PROX1: variants seen among roughly 807,000 people sequenced by gnomAD.
PROX1 encodes prospero homeobox protein 1.
Under a neutral mutation model 58.8 loss-of-function variants are expected in PROX1, and 7 were observed. That is an observed-to-expected ratio of 0.12 (90% confidence interval 0.07 to 0.22). The LOEUF (loss-of-function observed/expected upper bound fraction) is 0.22, where lower values mean the gene tolerates loss of function less well. Among genes scored for constraint, PROX1 ranks in the 10% least tolerant of loss-of-function variants. PROX1 has a pLI of 1.00. For missense variants in PROX1, 675 were observed against 927.8 expected (o/e 0.73, Z 3.54); for synonymous variants, 350 against 358.3 (o/e 0.98, Z 0.26).
intron 1 of PROX1, among the ~76,000 whole-genome samples, chr1:213,993,278 G>C (rs114549532): frequency 0.013 from 1,977 of 152,230 alleles, 41 homozygotes; most frequent in African/African-American, 0.044. Flanking sequence ...TGCTGATTTG[G>C]ACATCCACCA....
At chr1:214,033,701 C>T (rs921301920) in intron 4 of PROX1, among the ~76,000 whole-genome samples, 7 of 152,214 alleles carry the variant, frequency 4.6e-5, no homozygotes, top group Non-Finnish European at 5.9e-5. Context: ...CTTCACTGTT[C>T]TCCAGCCACA....
At chr1:214,013,668 A>T (rs549587427) in intron 4 of PROX1, among the ~76,000 whole-genome samples, 1 of 152,294 alleles carries the variant, frequency 6.6e-6, no homozygotes, top group Non-Finnish European at 1.5e-5. Context: ...TGGCATCAGG[A>T]GGTACCCGAC....
At chr1:214,011,234 A>G (rs1571822103) in intron 3 of PROX1, among the ~76,000 whole-genome samples, 1 of 152,234 alleles carries the variant, frequency 6.6e-6, no homozygotes, top group East Asian at 1.9e-4. Context: ...ATGAAGAACA[A>G]TGGTTAAAAA....
intron 4 of PROX1, among the ~76,000 whole-genome samples, chr1:214,025,324 G>A (rs1664415126): frequency 6.6e-6 from 1 of 152,182 alleles, no homozygotes; most frequent in Non-Finnish European, 1.5e-5. Context: ...AAAGACCCAG[G>A]ATCAGTGCAG....
At chr1:214,019,444 C>T (rs1469583656) in intron 4 of PROX1, among the ~76,000 whole-genome samples, 2 of 152,142 alleles carry the variant, frequency 1.3e-5, no homozygotes, top group Admixed American at 1.3e-4. Context: ...CAGTTCAAAT[C>T]TCACTTAAGG....
chr1:214,008,774 C>T (rs1456303053), intron 3 of PROX1, among the ~76,000 whole-genome samples: 1 of 152,148 alleles, frequency 6.6e-6, no homozygotes, highest in Non-Finnish European at 1.5e-5. Context: ...AGGATGAAAC[C>T]AGGGCCGACC....
intron 4 of PROX1, among the ~76,000 whole-genome samples, chr1:214,016,481 A>T (rs759263733): frequency 6.6e-6 from 1 of 152,154 alleles, no homozygotes; most frequent in African/African-American, 2.4e-5. Context: ...CTGCTGTTGC[A>T]GTCTTTTGGC....
intron 2 of PROX1, among the ~76,000 whole-genome samples, chr1:213,998,843 G>A (rs1663386362): frequency 6.6e-6 from 1 of 152,060 alleles, no homozygotes; most frequent in Admixed American, 6.5e-5. Flanking sequence ...TGTGGGTGGG[G>A]AGTTAGTCTC....
intron 4 of PROX1, among the ~76,000 whole-genome samples, chr1:214,031,208 GA>G (rs1268510760): frequency 1.3e-5 from 2 of 152,180 alleles, no homozygotes; most frequent in Admixed American, 1.3e-4. Context: ...AGTCTGTGAT[GA>G]AATTGGTAGA....
Position 213,996,727 on chromosome 1 carries a change from G to A in PROX1, c.192G>A (p.Gly64=), listed in dbSNP as rs1218489019. 3.7e-6 allele frequency: 6 copies of A among 1,614,042 alleles called. No individual in the cohort carries two copies. Among genetic ancestry groups the A allele is most frequent in the East Asian group, 2.2e-5 (1 of 44,890 alleles). The part of the protein sequence containing the change: ...VEYSVVQHAD[G]EKSNVLRKLL... ...ATTCAGTGGTGCAGCATGCAGATGG[G>A]GAAAAGTCAAATGTACTCCGCAAGC... The change falls in exon 2 of 5, where the codon GGG becomes GGA. Residue 64 remains glycine (G), a synonymous_variant. Transcript: ENST00000366958.
At chr1:214,010,543 G>C (rs916033656) in intron 3 of PROX1, among the ~76,000 whole-genome samples, 5 of 151,958 alleles carry the variant, frequency 3.3e-5, no homozygotes, top group African/African-American at 7.2e-5. Context: ...AAAAGGCAGG[G>C]GGTTGTCTGT....
At chr1:214,009,428 T>A in intron 3 of PROX1, among the ~76,000 whole-genome samples, 1 of 152,184 alleles carries the variant, frequency 6.6e-6, no homozygotes. Context: ...AGTTTAATAC[T>A]TTTTCTCCCC....
intron 2 of PROX1, 25 bp downstream of exon 2, chr1:213,998,285 G>A: frequency 1.3e-6 from 2 of 1,512,728 alleles, no homozygotes; most frequent in Admixed American, 2.2e-5. Context: ...TCCCCTCGAG[G>A]AAAAAACAAA....
Position 213,997,754 on chromosome 1 carries a change from C to G in PROX1, c.1219C>G (p.Gln407Glu), listed in dbSNP as rs1663329851. ...AAACCACAATTTCCACACCGCCAAC[C>G]AGCGCCTGCAGTGCTTTGGCGACGT... ...GENHNFHTANQRLQCFGDVII... is the reference protein window; with the variant it reads ...GENHNFHTANERLQCFGDVII... The change falls in exon 2 of 5, where the codon CAG (glutamine) becomes GAG (glutamate). Residue 407 changes from glutamine to glutamate, a missense_variant. Gln to Glu is a conservative substitution (Grantham distance 29). Transcript: ENST00000366958. This position sits in a 1 kb window ranked among gnomAD's most constrained non-coding sequence, Gnocchi z 7.1. 1 of 1,614,202 alleles carries G rather than the reference C, an allele frequency of 6.2e-7. No homozygotes were observed. The highest frequency in any genetic ancestry group is 1.1e-5 in the South Asian group (1 of 91,084).
rs759109967 is a variant in PROX1, at chr1:213,998,158, A to T, written c.1623A>T (p.Ala541=). ...HHLSHHPCSP[A]HPPSTAEGLS... The stretch of plus-strand genomic sequence containing the variant: ...TGAGCCACCACCCTTGTTCACCAGC[A>T]CACCCGCCCAGCACCGCCGAAGGGC... The change falls in exon 2 of 5, where the codon GCA becomes GCT. Residue 541 remains alanine (A), a synonymous_variant. Coordinates refer to ENST00000366958, the MANE Select transcript of PROX1 (RefSeq NM_001270616.2). The T allele has an allele frequency of 4.3e-6, 7 of 1,614,202 alleles. No homozygotes were observed. In the East Asian group the frequency reaches 1.6e-4, roughly 36 times the overall value.
At chr1:214,003,164 AAG>A (rs964161704) in intron 2 of PROX1, among the ~76,000 whole-genome samples, 27 of 152,352 alleles carry the variant, frequency 1.8e-4, no homozygotes, top group Non-Finnish European at 3.2e-4. Context: ...AAGCTTCAGG[AAG>A]TTTTGGTAGC....
intron 4 of PROX1, among the ~76,000 whole-genome samples, chr1:214,031,418 G>A (rs1664653746): frequency 6.6e-6 from 1 of 152,122 alleles, no homozygotes; most frequent in Non-Finnish European, 1.5e-5. Flanking sequence ...CAGAGTTCCA[G>A]CCAAAGACTT....
At position 213,997,135 on chromosome 1, in the gene PROX1, C is replaced by T; in HGVS notation, c.600C>T (p.Pro200=). 2 of 1,613,448 alleles carry T rather than the reference C, an allele frequency of 1.2e-6. No homozygotes were observed. Among genetic ancestry groups the T allele is most frequent in the Non-Finnish European group, 8.5e-7 (1 of 1,179,832 alleles). ...EREMAPQSVS[P]RESYRENKRK... is the part of the protein sequence containing the mutation. ...AGATGGCCCCGCAGTCTGTGAGTCC[C>T]CGAGAAAGTTACAGAGAAAACAAAC... The change falls in exon 2 of 5, where the codon CCC becomes CCT. Residue 200 remains proline (P), a synonymous_variant. Transcript: ENST00000366958. The surrounding 1 kb of genome is among the most constrained non-coding windows in gnomAD (Gnocchi z 7.1).
At position 213,988,468 on chromosome 1, in the gene PROX1, C is replaced by G. The variant is rs1279529940; in HGVS notation, c.-83C>G. 6.6e-6 allele frequency: 1 copy of G among 151,908 alleles called. No individual in the cohort carries two copies. The highest frequency in any genetic ancestry group is 1.5e-5 in the Non-Finnish European group (1 of 68,016). 9.4% of individuals were successfully genotyped at this position (151,908 alleles called of 1,614,324 possible). ...AGAGAGAGAGAGAGGCTCGGTCCCA[C>G]TGCTCCCTGCACCGCGTAAGTATCT... On this transcript the variant is annotated 5_prime_UTR_variant, in exon 1 of 5. Coordinates refer to ENST00000366958, the MANE Select transcript of PROX1 (RefSeq NM_001270616.2).
Sources: allele counts gnomAD v4.1 joint callset (sites outside exome capture counted in the v4.1 genomes callset), GRCh38; gene constraint gnomAD v4.1.1; non-coding constraint Gnocchi (gnomAD v3.1); transcripts MANE v1.5; gene names NCBI Gene and HGNC (gene_info 2026-07-23, HGNC 2026-07-21).